CDH12: variants seen among roughly 807,000 people sequenced by gnomAD.
CDH12 encodes cadherin 12, also known as cadherin-12.
CDH12 carries 41 observed loss-of-function variants against 74.1 expected under a neutral mutation model. The observed-to-expected ratio is 0.55, with a 90% confidence interval of 0.43 to 0.72. CDH12 has a LOEUF of 0.72. Among genes scored for constraint, CDH12 ranks in the 30% least tolerant of loss-of-function variants. The pLI is 0.00. For synonymous variants in CDH12, 399 were observed against 355.0 expected (o/e 1.12, Z -1.39); for missense variants, 945 against 977.2 (o/e 0.97, Z 0.44).
intron 1 of CDH12, among the ~76,000 whole-genome samples, chr5:22,540,001 C>A (rs887900056): frequency 7.9e-5 from 12 of 152,156 alleles, no homozygotes; most frequent in African/African-American, 2.9e-4. Flanking sequence ...ATTCTGTCAG[C>A]ACAATTTTCC....
chr5:22,006,499 T>C (rs1736966349), intron 5 of CDH12, among the ~76,000 whole-genome samples: 2 of 151,950 alleles, frequency 1.3e-5, no homozygotes, highest in Non-Finnish European at 1.5e-5. Flanking sequence ...AATGTGTAAA[T>C]AACAAGAACT....
chr5:21,980,422 T>G (rs1250126945), intron 5 of CDH12, among the ~76,000 whole-genome samples: 2 of 152,162 alleles, frequency 1.3e-5, no homozygotes, highest in African/African-American at 2.4e-5. Context: ...AAAACATTTT[T>G]TAAGGAATTT....
At chr5:21,883,399 C>G (rs777371442) in intron 6 of CDH12, 68 of 1,544,938 alleles carry the variant, frequency 4.4e-5, no homozygotes, top group Non-Finnish European at 2.6e-5. Flanking sequence ...CACCATAAGC[C>G]TTTGGTGATA....
intron 1 of CDH12, among the ~76,000 whole-genome samples, chr5:22,642,149 T>A (rs1238194653): frequency 6.6e-6 from 1 of 152,232 alleles, no homozygotes; most frequent in African/African-American, 2.4e-5. Flanking sequence ...TTTCAAATAC[T>A]TTTCGACAGA....
At chr5:22,316,540 TCAAAAACAAC>T (rs1435782561) in intron 3 of CDH12, among the ~76,000 whole-genome samples, 2 of 152,122 alleles carry the variant, frequency 1.3e-5, no homozygotes, top group Non-Finnish European at 2.9e-5. Context: ...GTCTGATTCC[TCAAAAACAAC>T]CAAATACATG....
chr5:22,441,628 C>T (rs973213176), intron 2 of CDH12, among the ~76,000 whole-genome samples: 2 of 152,040 alleles, frequency 1.3e-5, no homozygotes, highest in African/African-American at 4.8e-5. Flanking sequence ...TCATGTTTTA[C>T]TTTTCTTCGT....
At chr5:21,904,937 C>T (rs1180194617) in intron 6 of CDH12, among the ~76,000 whole-genome samples, 2 of 152,064 alleles carry the variant, frequency 1.3e-5, no homozygotes, top group Admixed American at 1.3e-4. Flanking sequence ...ATAGAAAAGT[C>T]CCCCCAAATA....
chr5:21,814,466 G>T (rs1359224860), intron 9 of CDH12, among the ~76,000 whole-genome samples: 2 of 151,574 alleles, frequency 1.3e-5, no homozygotes, highest in Non-Finnish European at 2.9e-5. Context: ...TAAGATAAAG[G>T]ACTATTATTA....
At chr5:22,399,796 G>A (rs1313052053) in intron 3 of CDH12, among the ~76,000 whole-genome samples, 1 of 151,610 alleles carries the variant, frequency 6.6e-6, no homozygotes, top group Non-Finnish European at 1.5e-5. Context: ...TATGGTAAAT[G>A]TGTTAGGGAT....
At chr5:22,146,253 C>G (rs558028093) in intron 4 of CDH12, among the ~76,000 whole-genome samples, 1 of 152,078 alleles carries the variant, frequency 6.6e-6, no homozygotes, top group East Asian at 1.9e-4. Flanking sequence ...TGAAATACAT[C>G]TAAAATACTT....
rs145859056 is a variant in CDH12 at position 22,004,700 on chromosome 5, T to G, written c.232-29315A>C. Among the ~76,000 whole-genome samples the G allele has an allele frequency of 3.1e-3, 472 of 152,290 alleles. 8 individuals are homozygous for G. Among genetic ancestry groups the G allele is most frequent in the East Asian group, 0.015 (79 of 5,162 alleles). On this transcript the variant is annotated intron_variant, in intron 5 of 14. Transcript: ENST00000382254. Reference sequence around the variant, plus strand: ...GGGGTACATGTGCAGGTTTGTTACATGGATGTATTGGGTAATGGTGAGGTT... The same window carrying G: ...GGGGTACATGTGCAGGTTTGTTACAGGGATGTATTGGGTAATGGTGAGGTT...
At chr5:22,046,821 T>C (rs1739988749) in intron 5 of CDH12, among the ~76,000 whole-genome samples, 1 of 152,180 alleles carries the variant, frequency 6.6e-6, no homozygotes. Flanking sequence ...GTGCTTTCCT[T>C]TTGGAAATAT....
At chr5:22,607,206 G>T (rs900063655) in intron 1 of CDH12, among the ~76,000 whole-genome samples, 1 of 152,166 alleles carries the variant, frequency 6.6e-6, no homozygotes, top group African/African-American at 2.4e-5. Context: ...CAAGCTGTCT[G>T]CAGAAATTTG....
chr5:22,204,319 C>T (rs909830990), intron 4 of CDH12, among the ~76,000 whole-genome samples: 1 of 152,108 alleles, frequency 6.6e-6, no homozygotes, highest in Admixed American at 6.5e-5. Context: ...CGTCACCACG[C>T]CCGGTTAGTT....
At chr5:22,513,777 C>T (rs1221319016) in intron 1 of CDH12, among the ~76,000 whole-genome samples, 1 of 151,780 alleles carries the variant, frequency 6.6e-6, no homozygotes, top group Non-Finnish European at 1.5e-5. Context: ...GAAACCCCAT[C>T]TCTACTAAAA....
intron 6 of CDH12, among the ~76,000 whole-genome samples, chr5:21,895,619 C>G (rs1308333128): frequency 1.3e-5 from 2 of 152,212 alleles, no homozygotes; most frequent in Non-Finnish European, 2.9e-5. Flanking sequence ...CAGGGCTCAG[C>G]TCAGCTGCTG....
intron 5 of CDH12, among the ~76,000 whole-genome samples, chr5:22,005,574 CT>C (rs1736899171): frequency 7.5e-6 from 1 of 132,708 alleles, no homozygotes; most frequent in Non-Finnish European, 1.6e-5. Flanking sequence ...TTGTGATCTA[CT>C]TAAAAAAAAA....
intron 6 of CDH12, among the ~76,000 whole-genome samples, chr5:21,945,323 G>A (rs989323256): frequency 3.3e-5 from 5 of 150,892 alleles, no homozygotes; most frequent in Admixed American, 2.0e-4. Context: ...CTACTTGGGA[G>A]GCTGAGGCAG....
At chr5:22,320,007 G>A (rs1231485378) in intron 3 of CDH12, among the ~76,000 whole-genome samples, 1 of 152,118 alleles carries the variant, frequency 6.6e-6, no homozygotes, top group African/African-American at 2.4e-5. Flanking sequence ...GGGGATATCT[G>A]GGAGACCACA....
Sources: gnomAD v4.1 joint callset for allele counts (sites outside exome capture counted in the v4.1 genomes callset) on GRCh38, gnomAD v4.1.1 for gene constraint, MANE v1.5 for transcripts, NCBI Gene and HGNC (gene_info 2026-07-23, HGNC 2026-07-21) for gene names.